DPP9: variants seen among roughly 807,000 people sequenced by gnomAD.
The protein encoded by DPP9 is dipeptidyl peptidase 9, also known as dipeptidyl peptidase IV-related protein-2.
A neutral mutation model predicts 110.7 loss-of-function variants in DPP9; 50 were observed. That is an observed-to-expected ratio of 0.45 (90% CI 0.36 to 0.57). The LOEUF is 0.57. Ranked by LOEUF, DPP9 falls within the 20% of genes least tolerant of loss-of-function variation. The pLI is 0.00. For missense variants in DPP9, 1,022 were observed against 1,217.9 expected, an observed-to-expected ratio of 0.84 and a Z score of 2.39; for synonymous variants, 561 against 514.4, an observed-to-expected ratio of 1.09 and a Z score of -1.23.
In DPP9 at chr19:4,714,277, G is replaced by T. The variant is rs1490329111; in HGVS notation, c.117C>A (p.Asp39Glu). 6.4e-7 allele frequency: 1 copy of T among 1,556,418 alleles called. No homozygotes were observed. Among genetic ancestry groups the T allele is most frequent in the Admixed American group, 1.9e-5 (1 of 53,392 alleles). Reference protein sequence around the residue: ...RMATTGTPTADRGDAAATDDP... With the variant: ...RMATTGTPTAERGDAAATDDP... ...CATCTGTGGCGGCTGCGTCGCCTCG[G>T]TCGGCCGTTGGGGTCCCGGTGGTGG... The change falls in exon 4 of 22, where the codon GAC becomes GAA. Residue 39 changes from aspartate (D) to glutamate (E), a missense_variant. This residue lies in a region of DPP9 where 810 missense variants were observed against 920.6 expected (regional missense o/e 0.88). Coordinates refer to ENST00000262960, the MANE Select transcript of DPP9 (RefSeq NM_139159.5).
In DPP9 at chr19:4,688,774, C is replaced by A; in HGVS notation, c.1868G>T (p.Ser623Ile). ...PLHKQPRFWA[S>I]MMEAASCPPD... The stretch of plus-strand genomic sequence containing the variant: ...CTACTCACTGGCTGCCTCCATCATG[C>A]TAGCCCAGAAGCGGGGCTGCTTGTG... Residue 623 changes from serine (S) to isoleucine (I), a missense_variant, in exon 16 of 22, where the codon AGC becomes ATC. This residue lies in a region of DPP9 where 810 missense variants were observed against 920.6 expected (regional missense o/e 0.88). Transcript: ENST00000262960. 6.9e-7 allele frequency: 1 copy of A among 1,458,320 alleles called. No homozygotes were observed. The highest frequency in any genetic ancestry group is 9.0e-7 in the Non-Finnish European group (1 of 1,110,772). The allele number at this position is 1,458,320 out of a possible 1,614,324, so 90.3% of individuals were successfully genotyped here.
Position 4,684,991 on chromosome 19 carries a change from C to T in DPP9, c.2032-182G>A, listed in dbSNP as rs956531202. ...TGGCAAGGCGGGAGGGGCCCATACT[C>T]GGGACCCTGCTAGGGAGGGGGAAGG... On this transcript the variant is annotated intron_variant, in intron 17 of 21. Transcript: ENST00000262960. This position sits in a 1 kb window ranked among gnomAD's most constrained non-coding sequence, Gnocchi z 4.8. 8 of 763,878 alleles carry T rather than the reference C, an allele frequency of 1.0e-5. No individual in the cohort carries two copies. The highest frequency in any genetic ancestry group is 3.4e-5 in the African/African-American group (2 of 58,248). 47.3% of individuals were successfully genotyped at this position (763,878 alleles called of 1,614,324 possible). A position where few individuals can be genotyped will look rare whatever the true frequency, so the allele number is the denominator to read the frequency against.
chr19:4,683,582 G>C lies in DPP9; in HGVS notation c.2226C>G (p.Ala742=), dbSNP rs779518234. The C allele has an allele frequency of 6.2e-7, 1 of 1,613,510 alleles. No individual in the cohort carries two copies. ...TCAGGTCGATGAAGCCATACTTCTCGGCCACGAACTGCAGGCCCTCCACCT... is the reference window on the plus strand; with the variant it reads ...TCAGGTCGATGAAGCCATACTTCTCCGCCACGAACTGCAGGCCCTCCACCT... ...EDQVEGLQFV[A]EKYGFIDLSR... The change falls in exon 19 of 22, where the codon GCC becomes GCG. Residue 742 remains alanine (A), a synonymous_variant. Coordinates refer to ENST00000262960, the MANE Select transcript of DPP9 (RefSeq NM_139159.5).
intron 16 of DPP9, 101 bp downstream of exon 16, chr19:4,688,656 C>T (rs2091021676): frequency 7.6e-7 from 1 of 1,321,110 alleles, no homozygotes; most frequent in Non-Finnish European, 9.7e-7. Flanking sequence ...GCCAGGCAGG[C>T]CAGCTCCAGG....
chr19:4,708,992 G>A (rs2092711345), intron 4 of DPP9, among the ~76,000 whole-genome samples: 3 of 152,156 alleles, frequency 2.0e-5, no homozygotes, highest in South Asian at 4.1e-4. Context: ...ATCTTGGCTC[G>A]CTGCAACCTC....
chr19:4,705,992 C>T, intron 4 of DPP9, 22 bp from the exon 5 acceptor site: 2 of 1,604,424 alleles, frequency 1.2e-6, no homozygotes, highest in Non-Finnish European at 1.7e-6. Flanking sequence ...AAGGAAACAC[C>T]CAGAACGGGT....
chr19:4,709,153 C>G (rs1018636735), intron 4 of DPP9, among the ~76,000 whole-genome samples: 1 of 151,396 alleles, frequency 6.6e-6, no homozygotes, highest in Non-Finnish European at 1.5e-5. Flanking sequence ...ATTCTGACCT[C>G]GTGATCTGCC....
intron 14 of DPP9, among the ~76,000 whole-genome samples, chr19:4,690,226 G>C (rs2091189193): frequency 6.6e-6 from 1 of 152,244 alleles, no homozygotes; most frequent in Non-Finnish European, 1.5e-5. Flanking sequence ...GCGTGGAGCA[G>C]CGGGGCCCCT....
intron 2 of DPP9, 133 bp from the exon 3 acceptor site, chr19:4,720,074 A>G: frequency 1.4e-6 from 1 of 732,182 alleles, no homozygotes; most frequent in Non-Finnish European, 2.3e-6. Context: ...CCTGAAGCCA[A>G]GGGCATTCTG....
chr19:4,680,128 T>C lies in DPP9; in HGVS notation c.2475-182A>G, dbSNP rs112814164. ...GGCAGGTGCCTGAAATCGCAGCTAC[T>C]TGGGAGGCTGAGGCAGGAGAACTGC... On this transcript the variant is annotated intron_variant, in intron 20 of 21. Coordinates refer to ENST00000262960, the MANE Select transcript of DPP9 (RefSeq NM_139159.5). 3.9e-3 allele frequency among the ~76,000 whole-genome samples: 590 copies of C among 151,810 alleles called. 6 individuals carry two copies. Among genetic ancestry groups the C allele is most frequent in the African/African-American group, 0.013 (558 of 41,372 alleles).
Position 4,695,124 on chromosome 19 carries a change from C to G in DPP9, c.1353+254G>C. On this transcript the variant is annotated intron_variant, in intron 12 of 21. Transcript: ENST00000262960. The surrounding 1 kb of genome is among the most constrained non-coding windows in gnomAD (Gnocchi z 4.7). ...TATGACCACACCACTGCACTCTAGT[C>G]TGGGCAACAGAGCAACCCTGTCTCT... is the stretch of plus-strand genomic sequence containing the variant. 1.7e-6 allele frequency: 1 copy of G among 581,238 alleles called. No individual in the cohort carries two copies. The highest frequency in any genetic ancestry group is 2.2e-5 in the South Asian group (1 of 45,062). The allele number at this position is 581,238 out of a possible 1,614,324, so 36.0% of individuals were successfully genotyped here. A position where few individuals can be genotyped will look rare whatever the true frequency, so the allele number is the denominator to read the frequency against.
intron 21 of DPP9, chr19:4,679,369 T>C (rs2089450827): frequency 6.3e-6 from 1 of 159,338 alleles, no homozygotes; most frequent in Non-Finnish European, 1.4e-5. Context: ...TCCCGCTCGG[T>C]CCCCCAAGCC....
Position 4,687,249 on chromosome 19 carries a change from T to G in DPP9, c.1886-1478A>C, listed in dbSNP as rs971513983. On this transcript the variant is annotated intron_variant, in intron 16 of 21. Transcript: ENST00000262960. The surrounding 1 kb of genome is among the most constrained non-coding windows in gnomAD (Gnocchi z 4.7). ...ACAAAATGCTTTCCAGCCCACGGAA[T>G]ACCCCGCATATGCTGGAAATTCGTT... 2.6e-5 allele frequency among the ~76,000 whole-genome samples: 4 copies of G among 152,164 alleles called. No individual in the cohort carries two copies. Among genetic ancestry groups the G allele is most frequent in the African/African-American group, 9.7e-5 (4 of 41,430 alleles).
rs58602777 is a variant in DPP9, at chr19:4,682,095, G to A, written c.2474+601C>T. Among the ~76,000 whole-genome samples the A allele has an allele frequency of 0.022, 3,271 of 152,072 alleles. 112 individuals are homozygous for A. The highest frequency in any genetic ancestry group is 0.074 in the African/African-American group (3,084 of 41,480). On this transcript the variant is annotated intron_variant, in intron 20 of 21. Transcript: ENST00000262960. The surrounding 1 kb of genome is among the most constrained non-coding windows in gnomAD (Gnocchi z 7.1). Reference sequence around the variant, plus strand: ...AATCTCCTGACCTCACGATCCGCCCGCCTCAGCCTCCCAGAGTGCTGGGAT... The same window carrying A: ...AATCTCCTGACCTCACGATCCGCCCACCTCAGCCTCCCAGAGTGCTGGGAT...
chr19:4,697,739 T>TC (rs1568316526), intron 10 of DPP9, 88 bp from the exon 11 acceptor site: 10 of 1,064,028 alleles, frequency 9.4e-6, no homozygotes, highest in South Asian at 2.9e-5. Context: ...TCCCATCATG[T>TC]CCCCCCCAAA....
intron 13 of DPP9, among the ~76,000 whole-genome samples, chr19:4,692,348 C>T (rs912401358): frequency 3.9e-5 from 6 of 152,128 alleles, no homozygotes; most frequent in Admixed American, 6.5e-5. Context: ...CTACGGCAAA[C>T]GTGTCTGTCA....
rs2090350952 is a variant in DPP9 at position 4,684,206 on chromosome 19, CTGCCGTG to C, written c.2178+450_2178+456del. 1 of 276,086 alleles carries C rather than the reference CTGCCGTG, an allele frequency of 3.6e-6. No homozygotes were observed. The highest frequency in any genetic ancestry group is 7.1e-6 in the Non-Finnish European group (1 of 140,356). 17.1% of individuals were successfully genotyped at this position (276,086 alleles called of 1,614,324 possible). A position where few individuals can be genotyped will look rare whatever the true frequency, so the allele number is the denominator to read the frequency against. ...GGCTTTTCCGCTCCTTGCAACCCCT[CTGCCGTG>C]TAGGAAGCAGCACAGGGCCTCTCTG... On this transcript the variant is annotated intron_variant, in intron 18 of 21. Coordinates refer to ENST00000262960, the MANE Select transcript of DPP9 (RefSeq NM_139159.5). This position sits in a 1 kb window ranked among gnomAD's most constrained non-coding sequence, Gnocchi z 4.8.
chr19:4,705,738 G>T, intron 5 of DPP9, 120 bp downstream of exon 5: 1 of 923,546 alleles, frequency 1.1e-6, no homozygotes, highest in Non-Finnish European at 1.7e-6. Context: ...AGGACGGAGG[G>T]TTTGTGGGAA....
At chr19:4,703,731 C>A (rs980238487) in intron 7 of DPP9, among the ~76,000 whole-genome samples, 155 bp downstream of exon 7, 3 of 150,704 alleles carry the variant, frequency 2.0e-5, no homozygotes, top group Non-Finnish European at 4.4e-5. Flanking sequence ...GACGCCAGGA[C>A]CTCCCGGGAG....
Sources: allele counts gnomAD v4.1 joint callset (sites outside exome capture counted in the v4.1 genomes callset), GRCh38; gene constraint gnomAD v4.1.1; regional missense constraint gnomAD v4.1.1; non-coding constraint Gnocchi (gnomAD v3.1); transcripts MANE v1.5; gene names NCBI Gene and HGNC (gene_info 2026-07-23, HGNC 2026-07-21).